Variants in ZMAT4 observed in about 807,000 individuals in gnomAD.
ZMAT4 encodes the protein zinc finger matrin-type 4.
In ZMAT4, 17 loss-of-function variants were observed where a neutral mutation model predicts 28.7. The ratio of observed to expected loss-of-function variants is 0.59; its 90% CI spans 0.41 to 0.89. The LOEUF is 0.89. ZMAT4 is among the 40% of genes least tolerant of loss of function. The pLI, the probability that ZMAT4 is intolerant of heterozygous loss-of-function variation, is 0.00. For synonymous variants in ZMAT4, 117 were observed against 109.2 expected (o/e 1.07, Z -0.44); for missense variants, 240 against 283.8 (o/e 0.85, Z 1.11).
chr8:40,873,811 T>C (rs984010314), intron 1 of ZMAT4, among the ~76,000 whole-genome samples: 3 of 152,180 alleles, frequency 2.0e-5, no homozygotes, highest in Non-Finnish European at 4.4e-5. Flanking sequence ...TCCTCACTAT[T>C]TTTAACTTCT....
At chr8:40,689,750 A>C (rs567753937) in intron 4 of ZMAT4, among the ~76,000 whole-genome samples, 11 of 151,954 alleles carry the variant, frequency 7.2e-5, no homozygotes, top group African/African-American at 2.4e-4. Flanking sequence ...TCAAGTCCTG[A>C]CCATGTCTCC....
At chr8:40,603,114 G>A (rs565306090) in intron 5 of ZMAT4, among the ~76,000 whole-genome samples, 19 of 152,098 alleles carry the variant, frequency 1.2e-4, no homozygotes, top group Non-Finnish European at 2.2e-4. Flanking sequence ...TGTGAGAGAT[G>A]AGGATCCAGT....
rs148108249 is a variant in ZMAT4, at chr8:40,672,417, G to A, written c.577+2287C>T. Among the ~76,000 whole-genome samples, 255 of 152,190 alleles carry A rather than the reference G, an allele frequency of 1.7e-3. 3 individuals carry two copies. Among genetic ancestry groups the A allele is most frequent in the African/African-American group, 5.9e-3 (243 of 41,512 alleles). On this transcript the variant is annotated intron_variant, in intron 5 of 6. Coordinates refer to ENST00000297737, the MANE Select transcript of ZMAT4 (RefSeq NM_024645.3). ...TAATGCTTGAATAAATATCTATCAG[G>A]ATATCACCTGGAGCGTGTGGAAAGT...
At chr8:40,596,076 G>T (rs1051219700) in intron 5 of ZMAT4, among the ~76,000 whole-genome samples, 1 of 151,956 alleles carries the variant, frequency 6.6e-6, no homozygotes, top group African/African-American at 2.4e-5. Context: ...TGGGTGACAA[G>T]ACCAAAACTC....
At chr8:40,812,935 AAAATTAAATTAAATTAAATTAAATT>A (rs67062060) in intron 2 of ZMAT4, among the ~76,000 whole-genome samples, 2 of 78,028 alleles carry the variant, frequency 2.6e-5, no homozygotes, top group African/African-American at 8.3e-5. Flanking sequence ...CTCCATCTCA[AAAATTAAATTAAATTAAATTAAATT>A]AAATTAAATT....
chr8:40,636,456 GC>G (rs1320808331), intron 5 of ZMAT4, among the ~76,000 whole-genome samples: 1 of 152,170 alleles, frequency 6.6e-6, no homozygotes, highest in Non-Finnish European at 1.5e-5. Flanking sequence ...AATCAACATA[GC>G]CTTTACAGTG....
At chr8:40,831,390 G>A (rs534718101) in intron 1 of ZMAT4, among the ~76,000 whole-genome samples, 41 of 152,300 alleles carry the variant, frequency 2.7e-4, no homozygotes, top group African/African-American at 9.4e-4. Flanking sequence ...CTTCCCAGGG[G>A]GATGCAAAGG....
chr8:40,731,085 C>G (rs971150549), intron 3 of ZMAT4, among the ~76,000 whole-genome samples: 1 of 148,282 alleles, frequency 6.7e-6, no homozygotes, highest in African/African-American at 2.4e-5. Flanking sequence ...ACCCTAATCA[C>G]TGATCACTGC....
chr8:40,833,658 C>T (rs58462849), intron 1 of ZMAT4, among the ~76,000 whole-genome samples: 12,650 of 151,922 alleles, frequency 0.083, 910 homozygotes, highest in East Asian at 0.33. Flanking sequence ...CCCCCACTCC[C>T]GGGACCACCG....
chr8:40,805,338 G>A (rs1815033475), intron 2 of ZMAT4, among the ~76,000 whole-genome samples: 1 of 146,582 alleles, frequency 6.8e-6, no homozygotes, highest in South Asian at 2.2e-4. Flanking sequence ...TACACTGTTG[G>A]TGGGACTGTA....
At chr8:40,615,639 T>G (rs2118672906) in intron 5 of ZMAT4, among the ~76,000 whole-genome samples, 1 of 152,342 alleles carries the variant, frequency 6.6e-6, no homozygotes, top group African/African-American at 2.4e-5. Context: ...TTACTCTTTT[T>G]TTCTCTAAAC....
rs548127065 is a variant in ZMAT4, at chr8:40,880,356, C to T, written c.-5+17327G>A. Among the ~76,000 whole-genome samples, 28 of 148,570 alleles carry T rather than the reference C, an allele frequency of 1.9e-4. No homozygotes were observed. The East Asian group carries it at 2.0e-3, about 10-fold the overall frequency. The stretch of plus-strand genomic sequence containing the variant: ...TGCACTCCAGCTTGGGCAACAAGAG[C>T]GAAACTCCATCTCAAAAAAAAAAAA... On this transcript the variant is annotated intron_variant, in intron 1 of 6. Transcript: ENST00000297737.
chr8:40,567,781 G>A (rs1803967974), intron 6 of ZMAT4, among the ~76,000 whole-genome samples: 1 of 151,348 alleles, frequency 6.6e-6, no homozygotes, highest in African/African-American at 2.4e-5. Flanking sequence ...CTAAATAACA[G>A]TGTTTAACAC....
At chr8:40,575,047 C>T (rs1026011934) in intron 6 of ZMAT4, among the ~76,000 whole-genome samples, 5 of 152,284 alleles carry the variant, frequency 3.3e-5, no homozygotes, top group Admixed American at 6.5e-5. Flanking sequence ...ACTTGGGACT[C>T]TGCTGTTGTT....
intron 5 of ZMAT4, among the ~76,000 whole-genome samples, chr8:40,646,002 T>C (rs2118787769): frequency 6.6e-6 from 1 of 152,208 alleles, no homozygotes; most frequent in Non-Finnish European, 1.5e-5. Context: ...ATCTCCTTTG[T>C]AATAATTTCA....
intron 4 of ZMAT4, among the ~76,000 whole-genome samples, chr8:40,689,600 T>A (rs917913676): frequency 1.3e-5 from 2 of 152,100 alleles, no homozygotes; most frequent in African/African-American, 4.8e-5. Flanking sequence ...GTGTGATGCT[T>A]ACTTTATGAG....
rs1301468482 is a variant in ZMAT4 at position 40,867,370 on chromosome 8, G to A, written c.-5+30313C>T. Among the ~76,000 whole-genome samples, 11 of 152,164 alleles carry A rather than the reference G, an allele frequency of 7.2e-5. No homozygotes were observed. The East Asian group carries it at 7.7e-4, about 11-fold the overall frequency. ...GGGTTGCAGGTTGGACAAGCTTGCC[G>A]TAGCGTCTGTTTTCAAAGTGATCCT... On this transcript the variant is annotated intron_variant, in intron 1 of 6. Transcript: ENST00000297737.
At chr8:40,850,958 T>C (rs1337788205) in intron 1 of ZMAT4, among the ~76,000 whole-genome samples, 2 of 152,244 alleles carry the variant, frequency 1.3e-5, no homozygotes, top group Non-Finnish European at 2.9e-5. Flanking sequence ...GAGAAATGTT[T>C]AAAATCTTTA....
At chr8:40,818,949 G>A (rs1437829319) in intron 2 of ZMAT4, among the ~76,000 whole-genome samples, 1 of 152,176 alleles carries the variant, frequency 6.6e-6, no homozygotes. Context: ...ACTTTAATCA[G>A]CACATTTTAA....
Sources: allele counts gnomAD v4.1 joint callset (sites outside exome capture counted in the v4.1 genomes callset), GRCh38; gene constraint gnomAD v4.1.1; transcripts MANE v1.5; gene names NCBI Gene and HGNC (gene_info 2026-07-23, HGNC 2026-07-21).